Variants in TCF20 observed in about 807,000 individuals in gnomAD.
TCF20 encodes the protein transcription factor 20, also known as SPRE-binding protein.
A neutral mutation model predicts 148.6 loss-of-function variants in TCF20; 3 were observed. That is an observed-to-expected ratio of 0.02 (90% CI 0.01 to 0.05). The LOEUF (loss-of-function observed/expected upper bound fraction) is 0.05. Among genes scored for constraint, TCF20 ranks in the 10% least tolerant of loss-of-function variants. The pLI is 1.00. For synonymous variants in TCF20, 1,049 were observed against 909.5 expected, an observed-to-expected ratio of 1.15 and a Z score of -2.76; for missense variants, 2,350 against 2,429.3, an observed-to-expected ratio of 0.97 and a Z score of 0.69.
chr22:42,182,180 GC>G (rs1262923615), intron 2 of TCF20, among the ~76,000 whole-genome samples: 3 of 152,340 alleles, frequency 2.0e-5, no homozygotes, highest in African/African-American at 7.2e-5. Flanking sequence ...AAGTATGCAT[GC>G]TCTGGAACCT....
At chr22:42,310,033 C>T (rs1927505025) in intron 1 of TCF20, among the ~76,000 whole-genome samples, 1 of 152,240 alleles carries the variant, frequency 6.6e-6, no homozygotes. Flanking sequence ...GCAGAACAGC[C>T]AACTGCCCGG....
chr22:42,167,821 C>T (rs77963653), intron 5 of TCF20, among the ~76,000 whole-genome samples: 64 of 152,006 alleles, frequency 4.2e-4, no homozygotes, highest in African/African-American at 1.5e-3. Context: ...CAGGTTTGAT[C>T]AAGTGATCCT....
Position 42,212,390 on chromosome 22 carries a change from A to G in TCF20, c.2916T>C (p.His972=). ...RGNASPGAAT[H]DSLSDYGPQD... ...GCGGGCCATAGTCTGAAAGGGAATC[A>G]TGGGTTGCTGCTCCAGGGCTGGCAT... The change falls in exon 2 of 6, where the codon CAT becomes CAC. Residue 972 remains histidine (H), a synonymous_variant. Coordinates refer to ENST00000677622, the MANE Select transcript of TCF20 (RefSeq NM_001378418.1). 2 of 1,614,232 alleles carry G rather than the reference A, an allele frequency of 1.2e-6. No homozygotes were observed. The highest frequency in any genetic ancestry group is 1.7e-6 in the Non-Finnish European group (2 of 1,180,040).
intron 2 of TCF20, among the ~76,000 whole-genome samples, chr22:42,196,466 C>A (rs951712997): frequency 6.6e-6 from 1 of 152,086 alleles, no homozygotes; most frequent in African/African-American, 2.4e-5. Flanking sequence ...AATAAAGAAC[C>A]CTACCTAGAA....
chr22:42,253,237 A>T (rs1175605254), intron 1 of TCF20, among the ~76,000 whole-genome samples: 2 of 152,220 alleles, frequency 1.3e-5, no homozygotes, highest in Non-Finnish European at 2.9e-5. Flanking sequence ...TGCTAATGAA[A>T]TCAGATACAT....
At chr22:42,218,199 T>G (rs1921996550) in intron 1 of TCF20, among the ~76,000 whole-genome samples, 1 of 152,140 alleles carries the variant, frequency 6.6e-6, no homozygotes, top group Non-Finnish European at 1.5e-5. Flanking sequence ...TTCACAAAGC[T>G]CCTAGGCAGC....
chr22:42,190,840 C>A (rs993337496), intron 2 of TCF20, among the ~76,000 whole-genome samples: 3 of 152,142 alleles, frequency 2.0e-5, no homozygotes, highest in Non-Finnish European at 2.9e-5. Flanking sequence ...CTAATAATTT[C>A]TACCAAGGTG....
At chr22:42,225,194 C>T (rs966345388) in intron 1 of TCF20, among the ~76,000 whole-genome samples, 4 of 152,014 alleles carry the variant, frequency 2.6e-5, no homozygotes, top group African/African-American at 9.7e-5. Flanking sequence ...CAGCATTTCG[C>T]CATGTTGGCC....
intron 1 of TCF20, among the ~76,000 whole-genome samples, chr22:42,318,485 G>A (rs958212641): frequency 6.6e-6 from 1 of 152,218 alleles, no homozygotes; most frequent in South Asian, 2.1e-4. Flanking sequence ...TTGGAAGAAG[G>A]GGGGATGGCA....
intron 1 of TCF20, among the ~76,000 whole-genome samples, chr22:42,238,944 T>C (rs5758668): frequency 0.18 from 26,890 of 150,522 alleles, 2,650 homozygotes; most frequent in East Asian, 0.35. Context: ...GGTGAAACCC[T>C]GTCTCTACTA....
chr22:42,211,330 T>G lies in TCF20; in HGVS notation c.3976A>C (p.Arg1326=). 6.2e-7 allele frequency: 1 copy of G among 1,614,206 alleles called. No homozygotes were observed. Among genetic ancestry groups the G allele is most frequent in the Non-Finnish European group, 8.5e-7 (1 of 1,180,040 alleles). ...SSKDLPSPDS[R]NCPAVTLTSP... is the part of the protein sequence containing the mutation. ...GTGAGGGTAACAGCAGGGCAGTTTC[T>G]ACTATCTGGACTTGGAAGGTCCTTG... The change falls in exon 2 of 6, where the codon AGA becomes CGA. Residue 1326 remains arginine (R), a synonymous_variant. Coordinates refer to ENST00000677622, the MANE Select transcript of TCF20 (RefSeq NM_001378418.1).
intron 1 of TCF20, among the ~76,000 whole-genome samples, chr22:42,267,111 T>C (rs1022049408): frequency 6.6e-5 from 10 of 150,894 alleles, no homozygotes; most frequent in African/African-American, 2.4e-4. Context: ...CTACTGAAAA[T>C]ACAAAATTAG....
chr22:42,310,674 G>A (rs1927519091), intron 1 of TCF20, among the ~76,000 whole-genome samples: 1 of 151,204 alleles, frequency 6.6e-6, no homozygotes, highest in Non-Finnish European at 1.5e-5. Context: ...AAGGAGACAG[G>A]GCCTGTGGTG....
At position 42,168,460 on chromosome 22, in the gene TCF20, T is replaced by A. The variant is rs1315755668; in HGVS notation, c.*44+149A>T. ...TCCACAGATAATCTGGGGAGCTAAGTAACCAATGGAAGAACACTGCATCCA... is the reference window on the plus strand; with the variant it reads ...TCCACAGATAATCTGGGGAGCTAAGAAACCAATGGAAGAACACTGCATCCA... On this transcript the variant is annotated intron_variant, in intron 5 of 5. Transcript: ENST00000677622. The A allele has an allele frequency of 3.3e-6, 4 of 1,222,580 alleles. No homozygotes were observed. The Admixed American group carries it at 1.0e-4, about 32-fold the overall frequency. The allele number at this position is 1,222,580 out of a possible 1,614,324, so 75.7% of individuals were successfully genotyped here. A position where few individuals can be genotyped will look rare whatever the true frequency, so the allele number is the denominator to read the frequency against.
chr22:42,184,407 T>C (rs532790874), intron 2 of TCF20, among the ~76,000 whole-genome samples: 1 of 152,314 alleles, frequency 6.6e-6, no homozygotes, highest in African/African-American at 2.4e-5. Context: ...AGATAGAATA[T>C]AAATACTTAT....
intron 1 of TCF20, among the ~76,000 whole-genome samples, chr22:42,304,649 A>G (rs5758705): frequency 0.067 from 10,213 of 152,184 alleles, 1,071 homozygotes; most frequent in East Asian, 0.31. Flanking sequence ...CAGCAACCCT[A>G]TGAGGTGGGC....
At position 42,182,658 on chromosome 22, in the gene TCF20, A is replaced by C. The variant is rs771415090; in HGVS notation, c.5656-2956T>G. Among the ~76,000 whole-genome samples the C allele has an allele frequency of 8.6e-4, 131 of 152,366 alleles. 1 individual carries two copies. Among genetic ancestry groups the C allele is most frequent in the Admixed American group, 4.6e-3 (70 of 15,304 alleles). Reference sequence around the variant, plus strand: ...AGAGAAAGATCCTTAAAGACAGTTTAGTTCAGTGGTTTTTGAAGTGTGGTC... The same window carrying C: ...AGAGAAAGATCCTTAAAGACAGTTTCGTTCAGTGGTTTTTGAAGTGTGGTC... On this transcript the variant is annotated intron_variant, in intron 2 of 5. Transcript: ENST00000677622.
rs1936666932 is a variant in TCF20 at position 42,179,538 on chromosome 22, AAC to A, written c.5749+69_5749+70del. The stretch of plus-strand genomic sequence containing the variant: ...AAAAGAAAAGAAAAAAAACAACGAC[AAC>A]AGAGAGAATCAAACTGTATGTCCTA... On this transcript the variant is annotated intron_variant, in intron 3 of 5. Coordinates refer to ENST00000677622, the MANE Select transcript of TCF20 (RefSeq NM_001378418.1). 2.8e-6 allele frequency: 3 copies of A among 1,086,630 alleles called. No individual in the cohort carries two copies. The South Asian group carries it at 4.9e-5, about 18-fold the overall frequency. The allele number at this position is 1,086,630 out of a possible 1,614,324, so 67.3% of individuals were successfully genotyped here. A position where few individuals can be genotyped will look rare whatever the true frequency, so the allele number is the denominator to read the frequency against.
intron 1 of TCF20, among the ~76,000 whole-genome samples, chr22:42,250,489 T>C (rs1273030035): frequency 6.7e-6 from 1 of 149,558 alleles, no homozygotes; most frequent in Non-Finnish European, 1.5e-5. Flanking sequence ...CAATGAGATG[T>C]CCTTTTTTTA....
Sources: allele counts gnomAD v4.1 joint callset (sites outside exome capture counted in the v4.1 genomes callset), GRCh38; gene constraint gnomAD v4.1.1; transcripts MANE v1.5; gene names NCBI Gene and HGNC (gene_info 2026-07-23, HGNC 2026-07-21).